ZNF536: variants seen among roughly 807,000 people sequenced by gnomAD.
The protein encoded by ZNF536 is zinc finger protein 536.
Under a neutral mutation model 84.5 loss-of-function variants are expected in ZNF536, and 13 were observed. The ratio of observed to expected loss-of-function variants is 0.15; its 90% CI spans 0.10 to 0.24. ZNF536 has a LOEUF of 0.24. Ranked by LOEUF, ZNF536 falls within the 10% of genes least tolerant of loss-of-function variation. The probability of loss-of-function intolerance (pLI) is 1.00; values close to 1 mark genes in which losing one functional copy is unlikely to be tolerated. For missense variants in ZNF536, 1,536 were observed against 1,747.5 expected (o/e 0.88, Z 2.16); for synonymous variants, 811 against 742.5 (o/e 1.09, Z -1.50).
chr19:30,562,197 C>T (rs2046194949), downstream of ZNF536, among the ~76,000 whole-genome samples: 1 of 152,160 alleles, frequency 6.6e-6, no homozygotes, highest in African/African-American at 2.4e-5. Flanking sequence ...ACTCTATAGT[C>T]TCCACCACCC....
At chr19:30,396,995 G>C (rs564778965) in intron 1 of ZNF536, among the ~76,000 whole-genome samples, 3 of 152,256 alleles carry the variant, frequency 2.0e-5, no homozygotes, top group Non-Finnish European at 4.4e-5. Flanking sequence ...CCAGCTTTTT[G>C]CTAGAGCCCA....
At chr19:30,241,328 A>G (rs2023927676) in intron 1 of ZNF536, among the ~76,000 whole-genome samples, 1 of 152,216 alleles carries the variant, frequency 6.6e-6, no homozygotes, top group Non-Finnish European at 1.5e-5. Context: ...AACAGAAACA[A>G]AAACGAAACC....
At chr19:30,477,032 T>C (rs984463459) in intron 2 of ZNF536, among the ~76,000 whole-genome samples, 12 of 152,108 alleles carry the variant, frequency 7.9e-5, no homozygotes, top group African/African-American at 2.9e-4. Flanking sequence ...CAAATGATCC[T>C]TCTGCCTTGG....
At chr19:30,388,024 A>G (rs139140018) in intron 1 of ZNF536, among the ~76,000 whole-genome samples, 1 of 152,256 alleles carries the variant, frequency 6.6e-6, no homozygotes, top group East Asian at 1.9e-4. Context: ...CCTGCTTCCC[A>G]TGTAATCTCC....
chr19:30,560,876 T>C (rs2046138919), downstream of ZNF536, among the ~76,000 whole-genome samples: 1 of 152,256 alleles, frequency 6.6e-6, no homozygotes, highest in African/African-American at 2.4e-5. Context: ...ATTGGCAATA[T>C]TGTCTCTGCG....
At chr19:30,475,489 A>T (rs191308199) in intron 2 of ZNF536, among the ~76,000 whole-genome samples, 1 of 152,292 alleles carries the variant, frequency 6.6e-6, no homozygotes, top group East Asian at 1.9e-4. Context: ...CATAAAATAG[A>T]TATGGCCTGG....
chr19:30,585,375 G>A (rs1016787420), intron 1 of ZNF536, among the ~76,000 whole-genome samples: 1 of 152,126 alleles, frequency 6.6e-6, no homozygotes, highest in Non-Finnish European at 1.5e-5. Flanking sequence ...CTGAATGAAG[G>A]GATGAATAGT....
intron 1 of ZNF536, among the ~76,000 whole-genome samples, chr19:30,283,680 G>A (rs1363785886): frequency 6.6e-6 from 1 of 151,810 alleles, no homozygotes; most frequent in Admixed American, 6.6e-5. Context: ...AGGACCCTTG[G>A]GTACTTCTTC....
intron 1 of ZNF536, among the ~76,000 whole-genome samples, chr19:30,565,350 G>A (rs1018770546): frequency 6.6e-6 from 1 of 152,124 alleles, no homozygotes; most frequent in Admixed American, 6.5e-5. Flanking sequence ...AAGATGGGGT[G>A]ATCTGGGGAG....
chr19:30,525,456 C>A (rs2044536108), intron 2 of ZNF536, among the ~76,000 whole-genome samples: 1 of 152,196 alleles, frequency 6.6e-6, no homozygotes, highest in African/African-American at 2.4e-5. Flanking sequence ...TTATAAAGCA[C>A]CTGCTATGAG....
chr19:30,493,231 C>A (rs984867484), intron 2 of ZNF536, among the ~76,000 whole-genome samples: 3 of 149,796 alleles, frequency 2.0e-5, no homozygotes, highest in Non-Finnish European at 4.4e-5. Flanking sequence ...TGTAATGAAA[C>A]CTTCCTCCCC....
At chr19:30,428,432 T>A (rs1401272386) in intron 1 of ZNF536, among the ~76,000 whole-genome samples, 3 of 152,212 alleles carry the variant, frequency 2.0e-5, no homozygotes, top group African/African-American at 7.2e-5. Flanking sequence ...TGGAGTAAGA[T>A]ACTGTACACC....
chr19:30,324,088 T>G (rs1165754577), intron 2 of ZNF536, among the ~76,000 whole-genome samples: 2 of 151,890 alleles, frequency 1.3e-5, no homozygotes, highest in African/African-American at 4.8e-5. Context: ...CCATCATCTA[T>G]TCATCCATCT....
chr19:30,374,436 G>A (rs886941086), intron 1 of ZNF536, among the ~76,000 whole-genome samples: 6 of 152,144 alleles, frequency 3.9e-5, no homozygotes, highest in Non-Finnish European at 7.4e-5. Context: ...CTGTACTAAT[G>A]TGTTTTTCTG....
intron 2 of ZNF536, among the ~76,000 whole-genome samples, chr19:30,463,213 G>A (rs78222514): frequency 0.011 from 1,650 of 152,226 alleles, 35 homozygotes; most frequent in African/African-American, 0.038. Context: ...CCTCCCCCAA[G>A]GACTATGACC....
At chr19:30,281,803 G>A (rs907047442) in intron 1 of ZNF536, among the ~76,000 whole-genome samples, 4 of 152,122 alleles carry the variant, frequency 2.6e-5, no homozygotes, top group Non-Finnish European at 5.9e-5. Context: ...CATGCTTTTT[G>A]TCGCCTTTGC....
intron 1 of ZNF536, chr19:30,665,230 C>T (rs1568651353): frequency 6.6e-6 from 1 of 152,178 alleles, no homozygotes; most frequent in Non-Finnish European, 1.5e-5. Context: ...GTAATCCCAG[C>T]TACTAGGGAG....
intron 1 of ZNF536, among the ~76,000 whole-genome samples, chr19:30,574,754 G>GT (rs1296930860): frequency 4.6e-5 from 7 of 152,208 alleles, no homozygotes; most frequent in African/African-American, 1.7e-4. Context: ...ATGATCAAGT[G>GT]TATAGATCTA....
At chr19:30,343,654 T>C (rs760232311) in intron 2 of ZNF536, among the ~76,000 whole-genome samples, 2 of 152,226 alleles carry the variant, frequency 1.3e-5, no homozygotes, top group African/African-American at 2.4e-5. Context: ...ATTTTCATCA[T>C]ACAGAAGTCC....
Sources: gnomAD v4.1 joint callset for allele counts (sites outside exome capture counted in the v4.1 genomes callset) on GRCh38, gnomAD v4.1.1 for gene constraint, MANE v1.5 for transcripts, NCBI Gene and HGNC (gene_info 2026-07-23, HGNC 2026-07-21) for gene names.